CLVS1: variants seen among roughly 807,000 people sequenced by gnomAD.
CLVS1 encodes clavesin 1.
Under a neutral mutation model 33.1 loss-of-function variants are expected in CLVS1, and 10 were observed. The ratio of observed to expected loss-of-function variants is 0.30; its 90% CI spans 0.19 to 0.51. The LOEUF (loss-of-function observed/expected upper bound fraction) is 0.51, where lower values mean the gene tolerates loss of function less well. Among genes scored for constraint, CLVS1 ranks in the 20% least tolerant of loss-of-function variants. CLVS1 has a pLI of 0.97. For missense variants in CLVS1, 343 were observed against 433.4 expected (o/e 0.79, Z 1.85); for synonymous variants, 163 against 166.1 (o/e 0.98, Z 0.14).
intron 2 of CLVS1, among the ~76,000 whole-genome samples, chr8:61,218,794 A>T (rs1808146867): frequency 8.4e-6 from 1 of 118,870 alleles, no homozygotes; most frequent in South Asian, 3.3e-4. Flanking sequence ...AAAAAAAAAA[A>T]AAAGCTGGGA....
chr8:61,458,304 C>T lies in CLVS1; in HGVS notation c.742-3C>T. On this transcript the variant is annotated splice_region_variant and splice_polypyrimidine_tract_variant and intron_variant, in intron 4 of 5. Coordinates refer to ENST00000325897, the MANE Select transcript of CLVS1 (RefSeq NM_173519.3). ...TGCTAATTACTTTTTGTTTTCTTTA[C>T]AGATTTTCCTGCATGGAAACAATTT... is the stretch of plus-strand genomic sequence containing the variant. The T allele has an allele frequency of 6.2e-7, 1 of 1,601,950 alleles. No individual in the cohort carries two copies. Among genetic ancestry groups the T allele is most frequent in the Admixed American group, 1.7e-5 (1 of 58,254 alleles).
chr8:61,035,524 A>G, the CLVS1 span, among the ~76,000 whole-genome samples: 2 of 152,098 alleles, frequency 1.3e-5, no homozygotes, highest in Non-Finnish European at 2.9e-5. Flanking sequence ...CGGGCGTCTG[A>G]CGTGTCTCAC....
upstream of CLVS1, among the ~76,000 whole-genome samples, chr8:61,052,720 G>A (rs1422169500): frequency 6.6e-6 from 1 of 152,188 alleles, no homozygotes; most frequent in Non-Finnish European, 1.5e-5. Flanking sequence ...GCCAAGAGCA[G>A]GTGGCGTGGG....
At chr8:61,498,580 C>CTT (rs1804350387) in intron 5 of CLVS1, among the ~76,000 whole-genome samples, 2 of 152,124 alleles carry the variant, frequency 1.3e-5, no homozygotes, top group African/African-American at 4.8e-5. Flanking sequence ...TTATAAACTT[C>CTT]TTAGAAAAAA....
chr8:61,115,963 A>G (rs1805715909), intron 1 of CLVS1, among the ~76,000 whole-genome samples: 2 of 144,862 alleles, frequency 1.4e-5, no homozygotes, highest in Admixed American at 1.4e-4. Context: ...GACTTCCACA[A>G]TGGTTGAACT....
At chr8:61,392,360 T>C (rs1814336453) in intron 3 of CLVS1, among the ~76,000 whole-genome samples, 1 of 151,946 alleles carries the variant, frequency 6.6e-6, no homozygotes, top group African/African-American at 2.4e-5. Context: ...TAAATTGGCC[T>C]ACTCAACTCA....
the CLVS1 span, among the ~76,000 whole-genome samples, chr8:61,033,161 A>AAAAGAAAAAG: frequency 3.3e-3 from 301 of 92,210 alleles, 43 homozygotes; most frequent in African/African-American, 0.013. Context: ...GAAAGAAAGA[A>AAAAGAAAAAG]AAAGAAAGAA....
chr8:61,319,725 AT>A (rs1252311578), intron 2 of CLVS1, among the ~76,000 whole-genome samples: 1 of 152,096 alleles, frequency 6.6e-6, no homozygotes, highest in African/African-American at 2.4e-5. Context: ...TTTCTGTTTG[AT>A]TGGGGAAAGG....
the CLVS1 span, among the ~76,000 whole-genome samples, chr8:61,011,177 G>T: frequency 3.9e-5 from 6 of 152,142 alleles, no homozygotes; most frequent in Non-Finnish European, 7.4e-5. Context: ...GAGGCAGGAG[G>T]GTCTCTTGAA....
intron 3 of CLVS1, among the ~76,000 whole-genome samples, chr8:61,397,704 C>G (rs1008289068): frequency 6.6e-6 from 1 of 152,052 alleles, no homozygotes; most frequent in East Asian, 1.9e-4. Context: ...AGGGCTCCAA[C>G]TTTATTCTTT....
chr8:61,034,672 C>T, the CLVS1 span, among the ~76,000 whole-genome samples: 1 of 152,112 alleles, frequency 6.6e-6, no homozygotes, highest in Admixed American at 6.5e-5. Context: ...TGAACTTCCA[C>T]TTCAGCACTA....
intron 2 of CLVS1, among the ~76,000 whole-genome samples, chr8:61,314,077 C>T (rs1421412207): frequency 1.3e-5 from 2 of 152,154 alleles, no homozygotes; most frequent in Admixed American, 1.3e-4. Context: ...GTGCACAAGA[C>T]AGAGTTAAGA....
chr8:61,193,366 G>T (rs551039893), intron 2 of CLVS1, among the ~76,000 whole-genome samples: 2 of 152,198 alleles, frequency 1.3e-5, no homozygotes, highest in African/African-American at 4.8e-5. Flanking sequence ...ACCTGGGCCT[G>T]TCGTAGGGCG....
chr8:61,216,631 T>C (rs1338095670), intron 2 of CLVS1, among the ~76,000 whole-genome samples: 8 of 152,176 alleles, frequency 5.3e-5, no homozygotes, highest in Non-Finnish European at 1.2e-4. Context: ...GTAATAGTAT[T>C]TTATCCAGGG....
chr8:61,119,412 A>T (rs1232353327), intron 1 of CLVS1, among the ~76,000 whole-genome samples: 1 of 147,630 alleles, frequency 6.8e-6, no homozygotes, highest in African/African-American at 2.5e-5. Flanking sequence ...TGATCCTGTC[A>T]TTATGATGTT....
At chr8:61,343,854 A>G (rs1373680508) in intron 2 of CLVS1, among the ~76,000 whole-genome samples, 1 of 152,162 alleles carries the variant, frequency 6.6e-6, no homozygotes, top group Non-Finnish European at 1.5e-5. Flanking sequence ...TATAAAATAA[A>G]ACATTTCTGC....
chr8:61,029,941 G>A, the CLVS1 span, among the ~76,000 whole-genome samples: 4 of 152,230 alleles, frequency 2.6e-5, no homozygotes, highest in East Asian at 1.9e-4. Context: ...AGGAAAGGCC[G>A]CCCTACAGCC....
intron 1 of CLVS1, among the ~76,000 whole-genome samples, chr8:61,089,594 C>T (rs1297215701): frequency 6.6e-6 from 1 of 152,138 alleles, no homozygotes; most frequent in Non-Finnish European, 1.5e-5. Flanking sequence ...AAATAAGGTC[C>T]TTGGAGCTAT....
At chr8:61,251,066 CTTA>C (rs1162658919) in intron 2 of CLVS1, among the ~76,000 whole-genome samples, 1 of 152,096 alleles carries the variant, frequency 6.6e-6, no homozygotes, top group Non-Finnish European at 1.5e-5. Flanking sequence ...ATAAATAACT[CTTA>C]TTATTTTCAG....
Sources: gnomAD v4.1 joint callset for allele counts (sites outside exome capture counted in the v4.1 genomes callset) on GRCh38, gnomAD v4.1.1 for gene constraint, MANE v1.5 for transcripts, NCBI Gene and HGNC (gene_info 2026-07-23, HGNC 2026-07-21) for gene names.